Variants in FER1L6 observed in about 807,000 individuals in gnomAD.
The protein encoded by FER1L6 is fer-1 like family member 6.
A neutral mutation model predicts 219.2 loss-of-function variants in FER1L6; 177 were observed. That is an observed-to-expected ratio of 0.81 (90% CI 0.71 to 0.91). The LOEUF (loss-of-function observed/expected upper bound fraction) is 0.91. Among genes scored for constraint, FER1L6 ranks in the 40% least tolerant of loss-of-function variants. FER1L6 has a pLI of 0.00. For synonymous variants in FER1L6, 768 were observed against 824.3 expected, an observed-to-expected ratio of 0.93 and a Z score of 1.17; for missense variants, 2,153 against 2,259.9, an observed-to-expected ratio of 0.95 and a Z score of 0.96.
At chr8:124,039,314 G>A (rs1382242800) in intron 19 of FER1L6, among the ~76,000 whole-genome samples, 1 of 152,148 alleles carries the variant, frequency 6.6e-6, no homozygotes, top group African/African-American at 2.4e-5. Context: ...AATGGAAAAT[G>A]AGTCAATGGA....
chr8:123,999,319 AG>A lies in FER1L6; in HGVS notation c.1520-3845del, dbSNP rs779086662. 2.2e-4 allele frequency among the ~76,000 whole-genome samples: 34 copies of A among 152,326 alleles called. No individual in the cohort carries two copies. In the Middle Eastern group the frequency reaches 0.01, roughly 46 times the overall value. On this transcript the variant is annotated intron_variant, in intron 12 of 40. Coordinates refer to ENST00000522917, the MANE Select transcript of FER1L6 (RefSeq NM_001039112.2). ...GACTGGGTTCTTCCTTTCAAGGCAG[AG>A]GGTTCCCTTCTGTTCCAAGGTGTGT...
At chr8:123,990,168 T>G (rs1049601067) in intron 12 of FER1L6, among the ~76,000 whole-genome samples, 20 of 152,148 alleles carry the variant, frequency 1.3e-4, no homozygotes, top group Non-Finnish European at 2.5e-4. Flanking sequence ...CTTGGGAGGC[T>G]GAGGCAGGAG....
chr8:124,064,186 G>A (rs1205611981), intron 25 of FER1L6, among the ~76,000 whole-genome samples, 161 bp from the exon 26 acceptor site: 1 of 152,132 alleles, frequency 6.6e-6, no homozygotes. Flanking sequence ...TAGTGAGATG[G>A]GTATTTTTAC....
chr8:123,935,058 G>A (rs1813930138), intron 1 of FER1L6, among the ~76,000 whole-genome samples: 1 of 152,092 alleles, frequency 6.6e-6, no homozygotes, highest in Admixed American at 6.5e-5. Flanking sequence ...TTATAGAAAG[G>A]ACTAATACAG....
Position 124,097,766 on chromosome 8 carries a change from C to G in FER1L6, c.4785-19C>G, listed in dbSNP as rs781123956. 3 of 1,352,154 alleles carry G rather than the reference C, an allele frequency of 2.2e-6. No individual in the cohort carries two copies. Among genetic ancestry groups the G allele is most frequent in the Non-Finnish European group, 2.1e-6 (2 of 941,068 alleles). The allele number at this position is 1,352,154 out of a possible 1,614,324, so 83.8% of individuals were successfully genotyped here. On this transcript the variant is annotated intron_variant, in intron 36 of 40. Coordinates refer to ENST00000522917, the MANE Select transcript of FER1L6 (RefSeq NM_001039112.2). ...AGCTTTCAAGGTCATCGACCTAATG[C>G]TTCCTTCTCCCATCCCAGATACGAA...
rs1823025737 is a variant in FER1L6 at position 124,111,607 on chromosome 8, G to A, written c.5290-7237G>A. 6.6e-6 allele frequency among the ~76,000 whole-genome samples: 1 copy of A among 152,194 alleles called. No individual in the cohort carries two copies. The highest frequency in any genetic ancestry group is 1.5e-5 in the Non-Finnish European group (1 of 68,038). ...TTGCTCATTTTTATGGTTATTTCTT[G>A]ATGATATGCTAAACAGGGGTGGATT... On this transcript the variant is annotated intron_variant, in intron 39 of 40. Coordinates refer to ENST00000522917, the MANE Select transcript of FER1L6 (RefSeq NM_001039112.2). This position sits in a 1 kb window ranked among gnomAD's most constrained non-coding sequence, Gnocchi z 5.0.
chr8:124,041,758 C>A (rs1430229833), intron 20 of FER1L6, among the ~76,000 whole-genome samples: 1 of 152,174 alleles, frequency 6.6e-6, no homozygotes, highest in Non-Finnish European at 1.5e-5. Context: ...GAGAAGACAA[C>A]AGACTGCTTT....
At chr8:123,944,797 GT>G (rs1814412206) in intron 1 of FER1L6, among the ~76,000 whole-genome samples, 1 of 152,110 alleles carries the variant, frequency 6.6e-6, no homozygotes, top group African/African-American at 2.4e-5. Context: ...TTCTGCTAGG[GT>G]TCCATATATG....
intron 1 of FER1L6, among the ~76,000 whole-genome samples, chr8:123,876,929 A>T (rs1817013591): frequency 6.6e-6 from 1 of 152,194 alleles, no homozygotes; most frequent in Non-Finnish European, 1.5e-5. Flanking sequence ...TTCCTAAGGG[A>T]AGCTTACCTA....
At chr8:123,906,136 A>C (rs4370516) in intron 1 of FER1L6, among the ~76,000 whole-genome samples, 1 of 151,948 alleles carries the variant, frequency 6.6e-6, no homozygotes, top group Non-Finnish European at 1.5e-5. Flanking sequence ...GGGTATTTCC[A>C]CTGACCCTTG....
At chr8:123,963,482 G>C in intron 3 of FER1L6, 84 bp downstream of exon 3, 1 of 1,501,344 alleles carries the variant, frequency 6.7e-7, no homozygotes, top group African/African-American at 1.4e-5. Flanking sequence ...TGGGAGAAGA[G>C]AGGAGAGTAA....
chr8:124,031,962 T>A (rs992696207), intron 18 of FER1L6, among the ~76,000 whole-genome samples: 1 of 152,234 alleles, frequency 6.6e-6, no homozygotes, highest in African/African-American at 2.4e-5. Context: ...TATATTTTTT[T>A]AAATGTACAA....
chr8:124,042,532 C>A (rs1819548983), intron 20 of FER1L6, among the ~76,000 whole-genome samples: 1 of 152,192 alleles, frequency 6.6e-6, no homozygotes, highest in Admixed American at 6.5e-5. Flanking sequence ...CCAGGTTTGT[C>A]CAATTCCAGA....
At position 124,035,387 on chromosome 8, in the gene FER1L6, C is replaced by T. The variant is rs1303717897; in HGVS notation, c.2397C>T (p.Gly799=). ...CCATTTTGGACAACTTGCCAGTAGG[C>T]TATGAAGCAGAAATGTCCTCCAAAG... ...ASAILDNLPV[G]YEAEMSSKGA... is the part of the protein sequence containing the mutation. Residue 799 remains glycine (G), a synonymous_variant, in exon 19 of 41, where the codon GGC becomes GGT. Coordinates refer to ENST00000522917, the MANE Select transcript of FER1L6 (RefSeq NM_001039112.2). The T allele has an allele frequency of 6.8e-6, 11 of 1,613,902 alleles. No individual in the cohort carries two copies. Among genetic ancestry groups the T allele is most frequent in the Non-Finnish European group, 9.3e-6 (11 of 1,179,978 alleles).
At chr8:124,073,031 G>C (rs769088087) in intron 31 of FER1L6, among the ~76,000 whole-genome samples, 2 of 145,260 alleles carry the variant, frequency 1.4e-5, no homozygotes, top group Non-Finnish European at 3.0e-5. Context: ...ATCTTGAACA[G>C]CATTTTCTAA....
chr8:123,887,639 A>G (rs902305627), intron 1 of FER1L6, among the ~76,000 whole-genome samples: 16 of 152,200 alleles, frequency 1.1e-4, no homozygotes, highest in Non-Finnish European at 1.6e-4. Context: ...CCCAACTAAG[A>G]GAGGGAAGCA....
intron 1 of FER1L6, among the ~76,000 whole-genome samples, chr8:123,908,501 G>T (rs544672259): frequency 6.6e-6 from 1 of 152,354 alleles, no homozygotes; most frequent in East Asian, 1.9e-4. Context: ...GAAGTAGACA[G>T]AAGCTCAAGT....
chr8:124,078,938 G>A (rs543801284), intron 32 of FER1L6, among the ~76,000 whole-genome samples: 2 of 152,308 alleles, frequency 1.3e-5, no homozygotes, highest in East Asian at 1.9e-4. Context: ...CTGAAAGTAT[G>A]ATGTTCTGGG....
intron 14 of FER1L6, among the ~76,000 whole-genome samples, 197 bp from the exon 15 acceptor site, chr8:124,013,234 C>G (rs530532065): frequency 6.6e-6 from 1 of 152,184 alleles, no homozygotes; most frequent in Non-Finnish European, 1.5e-5. Flanking sequence ...TGGACCAATT[C>G]CACTTACTAA....
Sources: allele counts gnomAD v4.1 joint callset (sites outside exome capture counted in the v4.1 genomes callset), GRCh38; gene constraint gnomAD v4.1.1; non-coding constraint Gnocchi (gnomAD v3.1); transcripts MANE v1.5; gene names NCBI Gene and HGNC (gene_info 2026-07-23, HGNC 2026-07-21).